TTLL4: variants seen among roughly 807,000 people sequenced by gnomAD.
The protein encoded by TTLL4 is tubulin monoglutamylase TTLL4.
Under a neutral mutation model 122.7 loss-of-function variants are expected in TTLL4, and 85 were observed. That is an observed-to-expected ratio of 0.69 (90% CI 0.58 to 0.83). TTLL4 has a LOEUF of 0.83. Ranked by LOEUF, TTLL4 falls within the 40% of genes least tolerant of loss-of-function variation. The pLI is 0.00. For synonymous variants in TTLL4, 553 were observed against 563.0 expected (o/e 0.98, Z 0.25); for missense variants, 1,363 against 1,488.6 (o/e 0.92, Z 1.39).
At chr2:218,755,432 CTG>C (rs1355557165), downstream of TTLL4, 1 of 152,110 alleles carries the variant, frequency 6.6e-6, no homozygotes, top group Non-Finnish European at 1.5e-5. Flanking sequence ...ACTGAGTGAA[CTG>C]TATTTACAGA....
downstream of TTLL4, among the ~76,000 whole-genome samples, chr2:218,755,914 A>G (rs1389851693): frequency 6.6e-6 from 1 of 152,138 alleles, no homozygotes; most frequent in Non-Finnish European, 1.5e-5. Context: ...GGCCGGTCCT[A>G]AGGCCATGTT....
chr2:218,710,951 C>G lies in TTLL4; in HGVS notation c.-264C>G, dbSNP rs1306865899. On this transcript the variant is annotated 5_prime_UTR_variant, in exon 1 of 20. Transcript: ENST00000392102. The stretch of plus-strand genomic sequence containing the variant: ...CGTGGCGGTGCGTGGTTGCTAGGGG[C>G]GCCTGAGGCTGCCGGGTAGCCCAGC... 1 of 152,696 alleles carries G rather than the reference C, an allele frequency of 6.5e-6. No individual in the cohort carries two copies. Among genetic ancestry groups the G allele is most frequent in the Non-Finnish European group, 1.5e-5 (1 of 68,434 alleles). 9.5% of individuals were successfully genotyped at this position (152,696 alleles called of 1,614,324 possible).
intron 1 of TTLL4, among the ~76,000 whole-genome samples, chr2:218,720,689 A>AG: frequency 6.6e-6 from 1 of 152,072 alleles, no homozygotes; most frequent in South Asian, 2.1e-4. Flanking sequence ...AAAAAAAAAA[A>AG]AAGAAAGAAA....
intron 1 of TTLL4, among the ~76,000 whole-genome samples, chr2:218,721,146 G>A (rs1942028265): frequency 6.6e-6 from 1 of 152,168 alleles, no homozygotes; most frequent in Non-Finnish European, 1.5e-5. Context: ...ATAGGTAAAT[G>A]TAAGTGAAGT....
Position 218,751,077 on chromosome 2 carries a change from C to T in TTLL4, c.2874-627C>T, listed in dbSNP as rs113289844. Among the ~76,000 whole-genome samples, 911 of 152,290 alleles carry T rather than the reference C, an allele frequency of 6.0e-3. 8 individuals carry two copies. The highest frequency in any genetic ancestry group is 0.01 in the Non-Finnish European group (682 of 68,030). On this transcript the variant is annotated intron_variant, in intron 15 of 19. Coordinates refer to ENST00000392102, the MANE Select transcript of TTLL4 (RefSeq NM_014640.5). The stretch of plus-strand genomic sequence containing the variant: ...TAAGTAGCCCATCAAAGTTATTCAA[C>T]TAGAGAGTGGTAGGACTGGAATTCA...
intron 15 of TTLL4, 38 bp downstream of exon 15, chr2:218,750,184 T>G (rs1942978459): frequency 3.7e-6 from 6 of 1,604,144 alleles, no homozygotes; most frequent in Non-Finnish European, 5.1e-6. Context: ...GCTGGCAGCA[T>G]GAGTAGCCCT....
At position 218,740,606 on chromosome 2, in the gene TTLL4, A is replaced by G. The variant is rs975939176; in HGVS notation, c.1661+22A>G. 2.5e-6 allele frequency: 4 copies of G among 1,612,422 alleles called. No individual in the cohort carries two copies. The African/African-American group carries it at 4.0e-5, about 16-fold the overall frequency. On this transcript the variant is annotated intron_variant, in intron 5 of 19. Transcript: ENST00000392102. ...CTAGGTAAGTGTGGCTGTATAGATCATTGTTACATGCTCATCTTTTGTCTC... is the reference window on the plus strand; with the variant it reads ...CTAGGTAAGTGTGGCTGTATAGATCGTTGTTACATGCTCATCTTTTGTCTC...
Position 218,752,925 on chromosome 2 carries a change from A to C in TTLL4, c.3139A>C (p.Ile1047Leu). ...TTTTGAGCAGCCACGATATTTCAACATTCTCACCACCCAATGGGAACAGAA... is the reference window on the plus strand; with the variant it reads ...TTTTGAGCAGCCACGATATTTCAACCTTCTCACCACCCAATGGGAACAGAA... ...RFFEQPRYFN[I>L]LTTQWEQKYH... Residue 1047 changes from isoleucine (I) to leucine (L), a missense_variant, in exon 17 of 20, where the codon ATT becomes CTT. Physicochemically the swap from Ile to Leu is conservative, Grantham distance 5. Coordinates refer to ENST00000392102, the MANE Select transcript of TTLL4 (RefSeq NM_014640.5). 7 of 1,614,088 alleles carry C rather than the reference A, an allele frequency of 4.3e-6. No individual in the cohort carries two copies. Among genetic ancestry groups the C allele is most frequent in the Non-Finnish European group, 5.9e-6 (7 of 1,180,014 alleles).
intron 2 of TTLL4, among the ~76,000 whole-genome samples, chr2:218,728,402 A>G (rs1346114213): frequency 6.6e-6 from 1 of 152,168 alleles, no homozygotes; most frequent in African/African-American, 2.4e-5. Flanking sequence ...GATCCCTTAC[A>G]TGGGCAGTTC....
chr2:218,742,113 C>T lies in TTLL4; in HGVS notation c.1661+1529C>T, dbSNP rs543776654. ...GCAGCTGGGACTACAGGACCACCCA[C>T]CACACCCAGCTAATTAAAAAAAATT... On this transcript the variant is annotated intron_variant, in intron 5 of 19. Coordinates refer to ENST00000392102, the MANE Select transcript of TTLL4 (RefSeq NM_014640.5). Among the ~76,000 whole-genome samples, 282 of 152,154 alleles carry T rather than the reference C, an allele frequency of 1.9e-3. 6 individuals are homozygous for T. The highest frequency in any genetic ancestry group is 2.1e-4 in the Non-Finnish European group (14 of 68,012).
chr2:218,726,726 C>T (rs1028301637), intron 1 of TTLL4, among the ~76,000 whole-genome samples: 1 of 152,088 alleles, frequency 6.6e-6, no homozygotes, highest in Non-Finnish European at 1.5e-5. Context: ...CTCAGCCTCC[C>T]AAAGTGCTGG....
chr2:218,758,736 G>A (rs1326142757), downstream of TTLL4, among the ~76,000 whole-genome samples: 2 of 152,198 alleles, frequency 1.3e-5, no homozygotes, highest in Non-Finnish European at 2.9e-5. Flanking sequence ...AGGTGCTGAT[G>A]GGAATGCAAA....
At position 218,737,608 on chromosome 2, in the gene TTLL4, C is replaced by A; in HGVS notation, c.-69C>A. The A allele has an allele frequency of 6.7e-7, 1 of 1,497,076 alleles. No homozygotes were observed. The highest frequency in any genetic ancestry group is 9.0e-7 in the Non-Finnish European group (1 of 1,116,518). 92.7% of individuals were successfully genotyped at this position (1,497,076 alleles called of 1,614,324 possible). A position where few individuals can be genotyped will look rare whatever the true frequency, so the allele number is the denominator to read the frequency against. On this transcript the variant is annotated 5_prime_UTR_variant, in exon 3 of 20. Transcript: ENST00000392102. ...ACAGACTTCAAGGATGCAGCTGCTA[C>A]TACCGGAGGTGTGTGGCACCTTACC...
chr2:218,740,284 G>A (rs1364072020), intron 4 of TTLL4, 117 bp downstream of exon 4: 1 of 1,100,504 alleles, frequency 9.1e-7, no homozygotes, highest in Non-Finnish European at 1.3e-6. Flanking sequence ...CATTTGCTTT[G>A]GGGGTCTTAA....
downstream of TTLL4, among the ~76,000 whole-genome samples, chr2:218,757,676 G>A (rs1043109540): frequency 2.0e-5 from 3 of 152,150 alleles, no homozygotes; most frequent in African/African-American, 4.8e-5. Context: ...CTGAGGGTGA[G>A]TATCCCCCTG....
intron 5 of TTLL4, among the ~76,000 whole-genome samples, chr2:218,741,845 A>G (rs960145403): frequency 1.3e-5 from 2 of 152,242 alleles, no homozygotes; most frequent in African/African-American, 4.8e-5. Context: ...TATATAAGAT[A>G]AAATTCACAA....
rs190690240 is a variant in TTLL4, at chr2:218,726,528, C to T, written c.-177-741C>T. Among the ~76,000 whole-genome samples the T allele has an allele frequency of 4.9e-3, 746 of 151,236 alleles. 3 individuals are homozygous for T. The highest frequency in any genetic ancestry group is 7.5e-3 in the Non-Finnish European group (507 of 67,726). On this transcript the variant is annotated intron_variant, in intron 1 of 19. Transcript: ENST00000392102. ...AGGCCCAGGCTGGAGTGCAGTGGCA[C>T]GATCTCAGCTCACTGCAACCTCTGC...
At chr2:218,721,226 A>G (rs565503541) in intron 1 of TTLL4, among the ~76,000 whole-genome samples, 9 of 126,594 alleles carry the variant, frequency 7.1e-5, no homozygotes, top group African/African-American at 2.4e-4. Flanking sequence ...GGGAACCTCA[A>G]TTTACCCCCA....
At position 218,738,558 on chromosome 2, in the gene TTLL4, C is replaced by A. The variant is rs1457117823; in HGVS notation, c.882C>A (p.Asp294Glu). The change falls in exon 3 of 20, where the codon GAC (aspartate) becomes GAA (glutamate). Residue 294 changes from aspartate (D) to glutamate (E), a missense_variant. Physicochemically the swap from Asp to Glu is conservative, Grantham distance 45. This residue lies in a region of TTLL4 where 760 missense variants were observed against 808.4 expected (regional missense o/e 0.94). Transcript: ENST00000392102. The part of the protein sequence containing the change: ...HIALSTASSH[D>E]TSTTSVASSW... ...CCTTGTCTACCGCTAGCTCCCACGACACATCCACCACCAGTGTTGCCTCTT... is the reference window on the plus strand; with the variant it reads ...CCTTGTCTACCGCTAGCTCCCACGAAACATCCACCACCAGTGTTGCCTCTT... 6.2e-7 allele frequency: 1 copy of A among 1,614,046 alleles called. No individual in the cohort carries two copies. The highest frequency in any genetic ancestry group is 1.3e-5 in the African/African-American group (1 of 74,918).
Sources: gnomAD v4.1 joint callset for allele counts (sites outside exome capture counted in the v4.1 genomes callset) on GRCh38, gnomAD v4.1.1 for gene constraint, gnomAD v4.1.1 regional missense constraint, MANE v1.5 for transcripts, NCBI Gene and HGNC (gene_info 2026-07-23, HGNC 2026-07-21) for gene names.